The following TOX variants were observed in gnomAD, a reference collection of about 807,000 sequenced individuals.
TOX encodes the protein thymocyte selection associated high mobility group box.
A neutral mutation model predicts 53.7 loss-of-function variants in TOX; 11 were observed. The ratio of observed to expected loss-of-function variants is 0.20; its 90% CI spans 0.13 to 0.34. The LOEUF (loss-of-function observed/expected upper bound fraction) is 0.34. TOX is among the 10% of genes least tolerant of loss of function. The probability of loss-of-function intolerance (pLI) is 1.00; values close to 1 mark genes in which losing one functional copy is unlikely to be tolerated. For missense variants in TOX, 570 were observed against 664.6 expected (o/e 0.86, Z 1.56); for synonymous variants, 225 against 245.3 (o/e 0.92, Z 0.77).
chr8:58,848,623 A>C (rs555650123), intron 4 of TOX, among the ~76,000 whole-genome samples: 1 of 152,140 alleles, frequency 6.6e-6, no homozygotes, highest in Non-Finnish European at 1.5e-5. Flanking sequence ...AGTATCTCTT[A>C]TATTACAAAT....
intron 3 of TOX, among the ~76,000 whole-genome samples, chr8:58,936,805 T>C (rs189833904): frequency 6.6e-6 from 1 of 152,318 alleles, no homozygotes; most frequent in East Asian, 1.9e-4. Context: ...GGGCTTAATA[T>C]AGACTTAATG....
At chr8:59,046,949 C>T (rs1438719284) in intron 1 of TOX, among the ~76,000 whole-genome samples, 1 of 151,078 alleles carries the variant, frequency 6.6e-6, no homozygotes, top group Non-Finnish European at 1.5e-5. Context: ...GAATCATCAT[C>T]CACCACGCAG....
chr8:58,845,388 T>G (rs1379447765), intron 4 of TOX, among the ~76,000 whole-genome samples: 1 of 152,162 alleles, frequency 6.6e-6, no homozygotes, highest in African/African-American at 2.4e-5. Context: ...GATGTTTCAG[T>G]GAGTGAAAAT....
chr8:59,111,158 A>G (rs546904191), intron 1 of TOX, among the ~76,000 whole-genome samples: 2 of 152,272 alleles, frequency 1.3e-5, no homozygotes, highest in East Asian at 1.9e-4. Context: ...GTGGGAGGGA[A>G]TCACATCCTC....
chr8:58,808,345 T>A (rs1248163115), intron 7 of TOX, 76 bp from the exon 8 acceptor site: 1 of 1,530,384 alleles, frequency 6.5e-7, no homozygotes, highest in Non-Finnish European at 8.8e-7. Context: ...ATTTATTCAT[T>A]CTTTGCAGAC....
At chr8:58,910,050 T>G (rs985381022) in intron 3 of TOX, among the ~76,000 whole-genome samples, 10 of 152,082 alleles carry the variant, frequency 6.6e-5, no homozygotes, top group African/African-American at 2.4e-4. Context: ...GTGGGGAAAA[T>G]TGACCCCAGC....
At chr8:59,000,555 T>C (rs1813672042) in intron 1 of TOX, among the ~76,000 whole-genome samples, 1 of 152,180 alleles carries the variant, frequency 6.6e-6, no homozygotes, top group Admixed American at 6.5e-5. Flanking sequence ...GTCTTGTTTA[T>C]TCAGGCTCAG....
chr8:58,871,213 A>G (rs1023511708), intron 3 of TOX, among the ~76,000 whole-genome samples: 1 of 151,362 alleles, frequency 6.6e-6, no homozygotes, highest in Non-Finnish European at 1.5e-5. Context: ...TTTGCTTCCA[A>G]TTATATGTGG....
rs992445558 is a variant in TOX at position 58,806,996 on chromosome 8, T to C, written c.*751A>G. The C allele has an allele frequency of 6.5e-6, 1 of 152,748 alleles. No individual in the cohort carries two copies. The highest frequency in any genetic ancestry group is 6.5e-5 in the Admixed American group (1 of 15,284). The allele number at this position is 152,748 out of a possible 1,614,324, so 9.5% of individuals were successfully genotyped here. On this transcript the variant is annotated 3_prime_UTR_variant, in exon 9 of 9. Transcript: ENST00000361421. Reference sequence around the variant, plus strand: ...ATAAAAGGACTTAAATGACATTTACTAACCATTACACAAAAAGTGATACAA... The same window carrying C: ...ATAAAAGGACTTAAATGACATTTACCAACCATTACACAAAAAGTGATACAA...
intron 1 of TOX, among the ~76,000 whole-genome samples, chr8:59,023,344 G>GGAGACTACCTTTATTAAAAACCATTATA (rs1814171708): frequency 6.6e-6 from 1 of 151,310 alleles, no homozygotes; most frequent in South Asian, 2.1e-4. Context: ...GAAAATACCT[G>GGAGACTACCTTTATTAAAAACCATTATA]AAGGTACTCT....
chr8:58,976,334 T>A (rs1813099753), intron 1 of TOX, among the ~76,000 whole-genome samples: 1 of 152,268 alleles, frequency 6.6e-6, no homozygotes, highest in African/African-American at 2.4e-5. Context: ...CTTATCCATA[T>A]GAAGACTCCT....
rs1183869177 is a variant in TOX at position 58,808,161 on chromosome 8, G to A, written c.1501C>T (p.Pro501Ser). 6.2e-7 allele frequency: 1 copy of A among 1,614,106 alleles called. No homozygotes were observed. The highest frequency in any genetic ancestry group is 1.7e-5 in the Admixed American group (1 of 60,014). Residue 501 changes from proline to serine, a missense_variant, in exon 8 of 9, where the codon CCC becomes TCC. Physicochemically the swap from Pro to Ser is moderately conservative, Grantham distance 74 (BLOSUM62 -1). This residue lies in a region of TOX where 239 missense variants were observed against 250.7 expected (regional missense o/e 0.95). Coordinates refer to ENST00000361421, the MANE Select transcript of TOX (RefSeq NM_014729.3). ...EYVRSGCRNP[P>S]PQPVDWNNDY... ...TTATTCCAGTCCACCGGTTGTGGGGGAGGATTTCTGCACCCCGAACGCACA... is the reference window on the plus strand; with the variant it reads ...TTATTCCAGTCCACCGGTTGTGGGGAAGGATTTCTGCACCCCGAACGCACA...
intron 1 of TOX, among the ~76,000 whole-genome samples, chr8:59,082,947 G>GC (rs1804436144): frequency 6.6e-6 from 1 of 152,038 alleles, no homozygotes; most frequent in African/African-American, 2.4e-5. Context: ...CTTCATCGTT[G>GC]TTTTTTGTTT....
In TOX at chr8:58,934,353, A is replaced by G. The variant is rs538797240; in HGVS notation, c.411+4949T>C. Reference sequence around the variant, plus strand: ...TTCACTCTATGTATGCTGCACCCCAATATGTCTATGATAAATTCCAGAAGG... The same window carrying G: ...TTCACTCTATGTATGCTGCACCCCAGTATGTCTATGATAAATTCCAGAAGG... On this transcript the variant is annotated intron_variant, in intron 3 of 8. Coordinates refer to ENST00000361421, the MANE Select transcript of TOX (RefSeq NM_014729.3). Among the ~76,000 whole-genome samples, 81 of 152,330 alleles carry G rather than the reference A, an allele frequency of 5.3e-4. 1 individual carries two copies. In the South Asian group the frequency reaches 0.016, roughly 30 times the overall value.
chr8:58,977,087 G>A (rs1813114552), intron 1 of TOX, among the ~76,000 whole-genome samples: 1 of 152,120 alleles, frequency 6.6e-6, no homozygotes. Context: ...AGTCTTAGAT[G>A]GCATCTTCTT....
At chr8:59,016,156 C>T (rs1814005730) in intron 1 of TOX, among the ~76,000 whole-genome samples, 2 of 152,132 alleles carry the variant, frequency 1.3e-5, no homozygotes, top group South Asian at 4.1e-4. Flanking sequence ...TATTTAAATG[C>T]CTACTGTGTG....
intron 3 of TOX, among the ~76,000 whole-genome samples, chr8:58,865,867 C>CTTTTTTTTTTTTTTTTT: frequency 1.8e-5 from 1 of 55,778 alleles, no homozygotes; most frequent in Non-Finnish European, 3.5e-5. Context: ...CAGAGTCTCA[C>CTTTTTTTTTTTTTTTTT]TCTGTCGTCC....
At chr8:58,995,425 G>A (rs1813543572) in intron 1 of TOX, among the ~76,000 whole-genome samples, 1 of 152,150 alleles carries the variant, frequency 6.6e-6, no homozygotes, top group South Asian at 2.1e-4. Flanking sequence ...AACACTCAAT[G>A]AACTACAATG....
chr8:59,047,059 G>A (rs984761730), intron 1 of TOX, among the ~76,000 whole-genome samples: 4 of 152,066 alleles, frequency 2.6e-5, no homozygotes, highest in African/African-American at 9.7e-5. Context: ...AGTGGAGAAT[G>A]TGTCCATGGA....
Sources: gnomAD v4.1 joint callset for allele counts (sites outside exome capture counted in the v4.1 genomes callset) on GRCh38, gnomAD v4.1.1 for gene constraint, gnomAD v4.1.1 regional missense constraint, MANE v1.5 for transcripts, NCBI Gene and HGNC (gene_info 2026-07-23, HGNC 2026-07-21) for gene names.